TMEM54: variants seen among roughly 807,000 people sequenced by gnomAD.
TMEM54 encodes beta-casein-like protein.
TMEM54 carries 21 observed loss-of-function variants against 21.3 expected under a neutral mutation model. That is an observed-to-expected ratio of 0.99 (90% confidence interval 0.70 to 1.42). The LOEUF is 1.42. Ranked by LOEUF, TMEM54 falls within the 40% of genes most tolerant of loss-of-function variation. The pLI, the probability that TMEM54 is intolerant of heterozygous loss-of-function variation, is 0.00. For missense variants in TMEM54, 246 were observed against 294.0 expected (o/e 0.84, Z 1.19); for synonymous variants, 109 against 125.0 (o/e 0.87, Z 0.86).
At chr1:32,900,568 A>C (rs961194674) in intron 1 of TMEM54, among the ~76,000 whole-genome samples, 6 of 152,206 alleles carry the variant, frequency 3.9e-5, no homozygotes, top group East Asian at 3.9e-4. Context: ...CAAGGTGCTA[A>C]GCGCTTTACT....
chr1:32,898,693 G>C (rs892175434), intron 1 of TMEM54, among the ~76,000 whole-genome samples: 5 of 152,276 alleles, frequency 3.3e-5, no homozygotes, highest in Non-Finnish European at 7.4e-5. Context: ...CAGAGTGTCT[G>C]CTCTGTGCCA....
Position 32,895,354 on chromosome 1 carries a change from T to C in TMEM54, c.545A>G (p.His182Arg), listed in dbSNP as rs1384948801. 7 of 1,613,830 alleles carry C rather than the reference T, an allele frequency of 4.3e-6. No homozygotes were observed. The highest frequency in any genetic ancestry group is 5.9e-6 in the Non-Finnish European group (7 of 1,179,808). The change falls in exon 5 of 6, where the codon CAC becomes CGC. Residue 182 changes from histidine to arginine, a missense_variant. By Grantham distance (29) the His-to-Arg change is conservative (BLOSUM62 0). Transcript: ENST00000373463. This position sits in a 1 kb window ranked among gnomAD's most constrained non-coding sequence, Gnocchi z 5.8. ...CCAGGGCCTCAGCTCCAGCAGCTGGTGGGTGAGCTGAGCACAGCGTACAGC... is the reference window on the plus strand; with the variant it reads ...CCAGGGCCTCAGCTCCAGCAGCTGGCGGGTGAGCTGAGCACAGCGTACAGC... ...VFAVRCAQLT[H>R]QLLELRPWWG...
Position 32,894,746 on chromosome 1 carries a change from C to T in TMEM54, c.*59G>A, listed in dbSNP as rs1004802376. The stretch of plus-strand genomic sequence containing the variant: ...AGCTCCAGGAATCCTGGCCTGGTCA[C>T]AGAGCAGAGTTGCTTGCAGGGTCCT... On this transcript the variant is annotated 3_prime_UTR_variant, in exon 6 of 6. Coordinates refer to ENST00000373463, the MANE Select transcript of TMEM54 (RefSeq NM_033504.4). 6 of 1,578,848 alleles carry T rather than the reference C, an allele frequency of 3.8e-6. No homozygotes were observed. In the African/African-American group the frequency reaches 5.4e-5, roughly 14 times the overall value.
intron 1 of TMEM54, among the ~76,000 whole-genome samples, chr1:32,899,499 A>G (rs1351951290): frequency 6.6e-6 from 1 of 152,170 alleles, no homozygotes; most frequent in African/African-American, 2.4e-5. Flanking sequence ...CAGGAGTTCA[A>G]GACCAGCCTG....
rs1641599112 is a variant in TMEM54 at position 32,896,294 on chromosome 1, A to G, written c.211-325T>C. 3 of 249,008 alleles carry G rather than the reference A, an allele frequency of 1.2e-5. No homozygotes were observed. The highest frequency in any genetic ancestry group is 5.4e-5 in the Admixed American group (1 of 18,402). 15.4% of individuals were successfully genotyped at this position (249,008 alleles called of 1,614,324 possible). A position where few individuals can be genotyped will look rare whatever the true frequency, so the allele number is the denominator to read the frequency against. Reference sequence around the variant, plus strand: ...GCATGGGACACCCCTTTCTGGAATGAAAAAGATTGTGGAAGAAACTAACCC... The same window carrying G: ...GCATGGGACACCCCTTTCTGGAATGGAAAAGATTGTGGAAGAAACTAACCC... On this transcript the variant is annotated intron_variant, in intron 2 of 5. Coordinates refer to ENST00000373463, the MANE Select transcript of TMEM54 (RefSeq NM_033504.4). The surrounding 1 kb of genome is among the most constrained non-coding windows in gnomAD (Gnocchi z 4.1).
At position 32,898,059 on chromosome 1, in the gene TMEM54, C is replaced by T. The variant is rs541008050; in HGVS notation, c.210+67G>A. ...TACCACCACAGGCTCTGGGTGGGGA[C>T]CTGTTGAAGACCCTTCAAGCCCCCT... On this transcript the variant is annotated intron_variant, in intron 2 of 5. Transcript: ENST00000373463. 5.9e-4 allele frequency: 853 copies of T among 1,456,192 alleles called. No homozygotes were observed. In the African/African-American group the frequency reaches 0.011, roughly 18 times the overall value. The allele number at this position is 1,456,192 out of a possible 1,614,324, so 90.2% of individuals were successfully genotyped here. A position where few individuals can be genotyped will look rare whatever the true frequency, so the allele number is the denominator to read the frequency against.
rs1032594549 is a variant in TMEM54 at position 32,895,955 on chromosome 1, G to A, written c.225C>T (p.Gly75=). The A allele has an allele frequency of 2.7e-5, 43 of 1,613,412 alleles. No homozygotes were observed. The highest frequency in any genetic ancestry group is 3.5e-5 in the Non-Finnish European group (41 of 1,179,718). ...VTSAIVVITS[G]IAAIVLSRYL... ...AGCGTGACAACACGATGGCTGCGAT[G>A]CCTGAAGTGATGACCTGTAGGGAAG... The change falls in exon 3 of 6, where the codon GGC becomes GGT. Residue 75 remains glycine (G), a synonymous_variant. Coordinates refer to ENST00000373463, the MANE Select transcript of TMEM54 (RefSeq NM_033504.4). The surrounding 1 kb of genome is among the most constrained non-coding windows in gnomAD (Gnocchi z 5.8).
At chr1:32,898,535 C>G (rs1164273465) in intron 1 of TMEM54, 1 of 498,776 alleles carries the variant, frequency 2.0e-6, no homozygotes, top group African/African-American at 1.9e-5. Context: ...TAAGGCTGGA[C>G]AAGCACACAG....
chr1:32,895,401 G>A lies in TMEM54; in HGVS notation c.498C>T (p.Leu166=), dbSNP rs1641563742. 6.2e-7 allele frequency: 1 copy of A among 1,613,812 alleles called. No individual in the cohort carries two copies. The change falls in exon 5 of 6, where the codon CTC becomes CTT. Residue 166 remains leucine, a synonymous_variant. Transcript: ENST00000373463. This position sits in a 1 kb window ranked among gnomAD's most constrained non-coding sequence, Gnocchi z 5.8. ...SLCLWGIALV[L]CVAENVFAVR... is the part of the protein sequence containing the mutation. The stretch of plus-strand genomic sequence containing the variant: ...CAGCAAACACGTTCTCCGCCACGCA[G>A]AGCACTAGGGCGATGCCCCAGAGGC...
chr1:32,895,052 C>T lies in TMEM54; in HGVS notation c.595-173G>A, dbSNP rs539478097. On this transcript the variant is annotated intron_variant, in intron 5 of 5. Coordinates refer to ENST00000373463, the MANE Select transcript of TMEM54 (RefSeq NM_033504.4). This position sits in a 1 kb window ranked among gnomAD's most constrained non-coding sequence, Gnocchi z 5.8. ...CCTGACCTTTGCAATGCCCTCAGTG[C>T]GAGCCCAGACACCCCTGCCCCTCCC... is the stretch of plus-strand genomic sequence containing the variant. 6.5e-5 allele frequency: 59 copies of T among 905,814 alleles called. No homozygotes were observed. The East Asian group carries it at 8.3e-4, about 13-fold the overall frequency. The allele number at this position is 905,814 out of a possible 1,614,324, so 56.1% of individuals were successfully genotyped here.
At position 32,898,175 on chromosome 1, in the gene TMEM54, G is replaced by A; in HGVS notation, c.161C>T (p.Ala54Val). 1 of 1,612,014 alleles carries A rather than the reference G, an allele frequency of 6.2e-7. No individual in the cohort carries two copies. Among genetic ancestry groups the A allele is most frequent in the Non-Finnish European group, 8.5e-7 (1 of 1,178,278 alleles). ...RYVGTPQDAV[A>V]LQYCVVNILS... Reference sequence around the variant, plus strand: ...GATGTTGACCACGCAGTACTGCAGAGCCACCGCATCTTGAGGGGTGCCCAC... The same window carrying A: ...GATGTTGACCACGCAGTACTGCAGAACCACCGCATCTTGAGGGGTGCCCAC... The change falls in exon 2 of 6, where the codon GCT becomes GTT. Residue 54 changes from alanine to valine, a missense_variant. Transcript: ENST00000373463.
Position 32,897,738 on chromosome 1 carries a change from G to C in TMEM54, c.210+388C>G. The stretch of plus-strand genomic sequence containing the variant: ...CCATCAATACCCAGGTCAGAGGCCT[G>C]CACTCTGTGAAACCCTCCGGCACCC... On this transcript the variant is annotated intron_variant, in intron 2 of 5. Coordinates refer to ENST00000373463, the MANE Select transcript of TMEM54 (RefSeq NM_033504.4). The surrounding 1 kb of genome is among the most constrained non-coding windows in gnomAD (Gnocchi z 4.9). 1 of 169,976 alleles carries C rather than the reference G, an allele frequency of 5.9e-6. No homozygotes were observed. Among genetic ancestry groups the C allele is most frequent in the African/African-American group, 2.4e-5 (1 of 42,484 alleles). The allele number at this position is 169,976 out of a possible 1,614,324, so 10.5% of individuals were successfully genotyped here.
rs969242656 is a variant in TMEM54, at chr1:32,895,476, G to A, written c.460-37C>T. Reference sequence around the variant, plus strand: ...GGGGCAGAGATGGCTGGCTGGAGTTGGGGGTGGAGGGTGGATTCCAAGAGC... The same window carrying A: ...GGGGCAGAGATGGCTGGCTGGAGTTAGGGGTGGAGGGTGGATTCCAAGAGC... On this transcript the variant is annotated intron_variant, in intron 4 of 5. Coordinates refer to ENST00000373463, the MANE Select transcript of TMEM54 (RefSeq NM_033504.4). This position sits in a 1 kb window ranked among gnomAD's most constrained non-coding sequence, Gnocchi z 5.8. 1.9e-6 allele frequency: 3 copies of A among 1,598,632 alleles called. No homozygotes were observed. The highest frequency in any genetic ancestry group is 1.7e-6 in the Non-Finnish European group (2 of 1,169,372).
Position 32,895,720 on chromosome 1 carries a change from G to A in TMEM54, c.294C>T (p.Ser98=), listed in dbSNP as rs970702033. Residue 98 remains serine, a synonymous_variant, in exon 4 of 6, where the codon AGC becomes AGT. Coordinates refer to ENST00000373463, the MANE Select transcript of TMEM54 (RefSeq NM_033504.4). This position sits in a 1 kb window ranked among gnomAD's most constrained non-coding sequence, Gnocchi z 5.8. ...TPLRWTVFSS[S]VACALLSLTC... is the part of the protein sequence containing the mutation. ...TCAGAGAAAGGAGAGCACAGGCCAC[G>A]CTCGAGCTAAACACTGTCCAGCGCT... 3.9e-6 allele frequency: 6 copies of A among 1,558,176 alleles called. No homozygotes were observed. The highest frequency in any genetic ancestry group is 1.4e-5 in the African/African-American group (1 of 73,710).
At position 32,898,199 on chromosome 1, in the gene TMEM54, A is replaced by C; in HGVS notation, c.137T>G (p.Val46Gly). Residue 46 changes from valine to glycine, a missense_variant, in exon 2 of 6, where the codon GTG becomes GGG. Val to Gly is a moderately radical substitution (Grantham distance 109, BLOSUM62 -3). Coordinates refer to ENST00000373463, the MANE Select transcript of TMEM54 (RefSeq NM_033504.4). ...AGCCACCGCATCTTGAGGGGTGCCC[A>C]CGTAGCGCAGCACTGTGCCATGGAA... Reference protein sequence around the residue: ...ALFHGTVLRYVGTPQDAVALQ... With the variant: ...ALFHGTVLRYGGTPQDAVALQ... 1.2e-6 allele frequency: 2 copies of C among 1,613,288 alleles called. No homozygotes were observed. Among genetic ancestry groups the C allele is most frequent in the Non-Finnish European group, 1.7e-6 (2 of 1,179,318 alleles).
At position 32,895,784 on chromosome 1, in the gene TMEM54, G is replaced by C; in HGVS notation, c.271-41C>G. 1.3e-6 allele frequency: 2 copies of C among 1,546,650 alleles called. No homozygotes were observed. Among genetic ancestry groups the C allele is most frequent in the Non-Finnish European group, 1.7e-6 (2 of 1,144,730 alleles). ...CACTGGTCAATGGGCGTCGTGCTTGGCCCCCATGGGCAGCTCTGGCCTCCC... is the reference window on the plus strand; with the variant it reads ...CACTGGTCAATGGGCGTCGTGCTTGCCCCCCATGGGCAGCTCTGGCCTCCC... On this transcript the variant is annotated intron_variant, in intron 3 of 5. Coordinates refer to ENST00000373463, the MANE Select transcript of TMEM54 (RefSeq NM_033504.4). The surrounding 1 kb of genome is among the most constrained non-coding windows in gnomAD (Gnocchi z 5.8).
chr1:32,895,906 G>C lies in TMEM54; in HGVS notation c.270+4C>G. 1.9e-6 allele frequency: 3 copies of C among 1,612,296 alleles called. No homozygotes were observed. Among genetic ancestry groups the C allele is most frequent in the South Asian group, 2.2e-5 (2 of 90,718 alleles). Reference sequence around the variant, plus strand: ...ACAGCCCCATCCCAGGAGGCACCACGTACCAGGGGGGTGCTAGGGAGGTAG... The same window carrying C: ...ACAGCCCCATCCCAGGAGGCACCACCTACCAGGGGGGTGCTAGGGAGGTAG... On this transcript the variant is annotated splice_donor_region_variant and intron_variant, in intron 3 of 5. Transcript: ENST00000373463. This position sits in a 1 kb window ranked among gnomAD's most constrained non-coding sequence, Gnocchi z 5.8.
Position 32,895,788 on chromosome 1 carries a change from C to T in TMEM54, c.271-45G>A, listed in dbSNP as rs1345152193. The T allele has an allele frequency of 1.3e-6, 2 of 1,547,566 alleles. No homozygotes were observed. The highest frequency in any genetic ancestry group is 3.9e-5 in the Admixed American group (2 of 51,458). ...GGTCAATGGGCGTCGTGCTTGGCCCCCATGGGCAGCTCTGGCCTCCCTGAG... is the reference window on the plus strand; with the variant it reads ...GGTCAATGGGCGTCGTGCTTGGCCCTCATGGGCAGCTCTGGCCTCCCTGAG... On this transcript the variant is annotated intron_variant, in intron 3 of 5. Transcript: ENST00000373463. This position sits in a 1 kb window ranked among gnomAD's most constrained non-coding sequence, Gnocchi z 5.8.
rs772408166 is a variant in TMEM54, at chr1:32,895,590, C to T, written c.424G>A (p.Ala142Thr). Reference sequence around the variant, plus strand: ...GTGGGGTCGAAGGGACAGTCAGGTGCGAGGGCCAGTAGTTCAGAGCTCCCA... The same window carrying T: ...GTGGGGTCGAAGGGACAGTCAGGTGTGAGGGCCAGTAGTTCAGAGCTCCCA... ...TFGSSELLAL[A>T]PDCPFDPTRI... The change falls in exon 4 of 6, where the codon GCA becomes ACA. Residue 142 changes from alanine to threonine, a missense_variant. By Grantham distance (58) the Ala-to-Thr change is moderately conservative. Transcript: ENST00000373463. This position sits in a 1 kb window ranked among gnomAD's most constrained non-coding sequence, Gnocchi z 5.8. The T allele has an allele frequency of 8.8e-6, 14 of 1,585,120 alleles. No homozygotes were observed. The Middle Eastern group carries it at 8.3e-4, about 94-fold the overall frequency.
Sources: gnomAD v4.1 joint callset for allele counts (sites outside exome capture counted in the v4.1 genomes callset) on GRCh38, gnomAD v4.1.1 for gene constraint, Gnocchi (gnomAD v3.1) non-coding constraint, MANE v1.5 for transcripts, NCBI Gene and HGNC (gene_info 2026-07-23, HGNC 2026-07-21) for gene names.